STARD9: variants seen among roughly 807,000 people sequenced by gnomAD.
STARD9 encodes the protein stAR-related lipid transfer protein 9.
STARD9 carries 346 observed loss-of-function variants against 399.8 expected under a neutral mutation model. The observed-to-expected ratio is 0.87, with a 90% CI of 0.79 to 0.95. STARD9 has a LOEUF of 0.95. STARD9 is among the 40% of genes least tolerant of loss of function. STARD9 has a pLI of 0.00. For synonymous variants in STARD9, 2,203 were observed against 2,143.5 expected (o/e 1.03, Z -0.77); for missense variants, 5,832 against 5,667.5 (o/e 1.03, Z -0.93).
At position 42,692,245 on chromosome 15, in the gene STARD9, A is replaced by G. The variant is rs1340162907; in HGVS notation, c.10667A>G (p.Glu3556Gly). 2.0e-6 allele frequency: 3 copies of G among 1,537,020 alleles called. No homozygotes were observed. The highest frequency in any genetic ancestry group is 2.6e-6 in the Non-Finnish European group (3 of 1,146,892). ...ENAQGSNEAW[E>G]VFRGSSSIAL... is the part of the protein sequence containing the mutation. ...GCCCAGGGTTCAAATGAGGCCTGGG[A>G]AGTATTCCGAGGGAGTTCTTCAATT... Residue 3556 changes from glutamate (E) to glycine (G), a missense_variant, in exon 23 of 33, where the codon GAA becomes GGA. By Grantham distance (98) the Glu-to-Gly change is moderately conservative. Transcript: ENST00000290607.
chr15:42,684,278 T>C lies in STARD9; in HGVS notation c.2700T>C (p.His900=), dbSNP rs746085487. ...LRKNGLHSSG[H]GQPCTARAAL... ...AGAACGGCCTGCATTCCTCAGGTCA[T>C]GGGCAGCCCTGCACAGCCAGAGCAG... is the stretch of plus-strand genomic sequence containing the variant. The change falls in exon 23 of 33, where the codon CAT becomes CAC. Residue 900 remains histidine (H), a synonymous_variant. Coordinates refer to ENST00000290607, the MANE Select transcript of STARD9 (RefSeq NM_020759.3). The C allele has an allele frequency of 2.0e-5, 31 of 1,537,206 alleles. No individual in the cohort carries two copies. Among genetic ancestry groups the C allele is most frequent in the Non-Finnish European group, 2.4e-5 (28 of 1,146,900 alleles).
Position 42,690,307 on chromosome 15 carries a change from G to C in STARD9, c.8729G>C (p.Gly2910Ala). The stretch of plus-strand genomic sequence containing the variant: ...GATCAAAGACCAAGCGCAAATCCTG[G>C]GGGAATTGGGGAGGAAGCCCCATGT... ...LPDQRPSANP[G>A]GIGEEAPCRH... Residue 2910 changes from glycine to alanine, a missense_variant, in exon 23 of 33, where the codon GGG becomes GCG. Physicochemically the swap from Gly to Ala is moderately conservative, Grantham distance 60. Around this residue, in one of 2 missense-constraint regions of STARD9, gnomAD observed 5,828 missense variants for 5,651.1 expected, o/e 1.03. Transcript: ENST00000290607. The C allele has an allele frequency of 1.3e-6, 2 of 1,537,286 alleles. No individual in the cohort carries two copies. The highest frequency in any genetic ancestry group is 1.7e-6 in the Non-Finnish European group (2 of 1,146,914).
chr15:42,622,555 A>G (rs763620645), intron 3 of STARD9, among the ~76,000 whole-genome samples: 43 of 151,816 alleles, frequency 2.8e-4, no homozygotes, highest in African/African-American at 1.0e-3. Context: ...TTGGATCCAT[A>G]CTTCCTTGTT....
rs577937736 is a variant in STARD9, at chr15:42,685,460, A to G, written c.3882A>G (p.Gln1294=). The G allele has an allele frequency of 2.7e-5, 42 of 1,534,600 alleles. No individual in the cohort carries two copies. The highest frequency in any genetic ancestry group is 3.2e-5 in the Non-Finnish European group (37 of 1,145,492). ...AGCTCCAACCCCATTGTGAGCTCCAACCCCATTGTGAGCTCCAGCCCCATT... is the reference window on the plus strand; with the variant it reads ...AGCTCCAACCCCATTGTGAGCTCCAGCCCCATTGTGAGCTCCAGCCCCATT... The part of the protein sequence containing the change: ...HCELQPHCEL[Q]PHCELQPHCE... Residue 1294 remains glutamine (Q), a synonymous_variant, in exon 23 of 33, where the codon CAA becomes CAG. Coordinates refer to ENST00000290607, the MANE Select transcript of STARD9 (RefSeq NM_020759.3).
intron 20 of STARD9, among the ~76,000 whole-genome samples, chr15:42,678,595 T>TAGTA (rs1292609227): frequency 1.3e-5 from 2 of 152,204 alleles, no homozygotes; most frequent in Non-Finnish European, 2.9e-5. Context: ...ACTGCGGCTT[T>TAGTA]AGTAAGTAGA....
At chr15:42,581,363 G>T (rs1322323830) in intron 1 of STARD9, 1 of 1,463,420 alleles carries the variant, frequency 6.8e-7, no homozygotes, top group Admixed American at 1.7e-5. Context: ...TGGTGGAGAA[G>T]AGCGTCCCCT....
intron 15 of STARD9, among the ~76,000 whole-genome samples, chr15:42,666,605 G>C (rs987441901): frequency 3.9e-5 from 6 of 152,170 alleles, no homozygotes; most frequent in African/African-American, 1.4e-4. Flanking sequence ...GTGTAAACAG[G>C]ATTAATAGCT....
rs1174610857 is a variant in STARD9 at position 42,684,708 on chromosome 15, C to T, written c.3130C>T (p.His1044Tyr). The change falls in exon 23 of 33, where the codon CAT (histidine) becomes TAT (tyrosine). Residue 1044 changes from histidine to tyrosine, a missense_variant. Physicochemically the swap from His to Tyr is moderately conservative, Grantham distance 83. Transcript: ENST00000290607. ...TTCTCCAAGCAGGGCATCAAAAAGG[C>T]ATCAGAGGGTTCTGGCAACTAGGGT... ...PPSPSRASKR[H>Y]QRVLATRVRN... 1 of 1,537,198 alleles carries T rather than the reference C, an allele frequency of 6.5e-7. No individual in the cohort carries two copies.
intron 9 of STARD9, 147 bp downstream of exon 9, chr15:42,652,739 G>A (rs1055945130): frequency 5.7e-6 from 4 of 697,150 alleles, no homozygotes; most frequent in East Asian, 5.5e-5. Context: ...GCAGTGGCGC[G>A]ATCTCGGCTC....
intron 3 of STARD9, among the ~76,000 whole-genome samples, chr15:42,608,304 G>T (rs1408179260): frequency 6.6e-6 from 1 of 152,138 alleles, no homozygotes; most frequent in African/African-American, 2.4e-5. Flanking sequence ...ACAGGACCCT[G>T]CCAGCCGGAT....
At chr15:42,704,488 T>C (rs774670185) in intron 26 of STARD9, among the ~76,000 whole-genome samples, 1 of 152,224 alleles carries the variant, frequency 6.6e-6, no homozygotes. Context: ...TCTGGCCTTG[T>C]TTGTACCTGT....
At chr15:42,619,519 A>G (rs974283751) in intron 3 of STARD9, among the ~76,000 whole-genome samples, 11 of 148,460 alleles carry the variant, frequency 7.4e-5, no homozygotes, top group Non-Finnish European at 1.5e-4. Context: ...GTGCCACTGC[A>G]CTCCAGCCTG....
chr15:42,652,283 G>C (rs1021654553), intron 8 of STARD9, among the ~76,000 whole-genome samples: 1 of 151,116 alleles, frequency 6.6e-6, no homozygotes, highest in Non-Finnish European at 1.5e-5. Flanking sequence ...AAAAAAAAAA[G>C]TTTCAGTGTA....
chr15:42,620,342 A>G (rs1320080103), intron 3 of STARD9, among the ~76,000 whole-genome samples: 1 of 151,660 alleles, frequency 6.6e-6, no homozygotes, highest in Non-Finnish European at 1.5e-5. Context: ...TTAGCTGGGC[A>G]TGGTGGCTCG....
intron 26 of STARD9, among the ~76,000 whole-genome samples, chr15:42,707,796 T>C (rs7162040): frequency 0.032 from 4,911 of 152,214 alleles, 221 homozygotes; most frequent in African/African-American, 0.098. Flanking sequence ...AATCACTTTT[T>C]GCAAGAACAC....
At chr15:42,607,571 A>G (rs764327083) in intron 3 of STARD9, among the ~76,000 whole-genome samples, 1 of 151,378 alleles carries the variant, frequency 6.6e-6, no homozygotes, top group Non-Finnish European at 1.5e-5. Context: ...CCAGTTTCAT[A>G]TTAGAGAGGG....
intron 26 of STARD9, among the ~76,000 whole-genome samples, chr15:42,697,365 C>T (rs1396204502): frequency 2.6e-5 from 4 of 152,118 alleles, no homozygotes; most frequent in Non-Finnish European, 5.9e-5. Context: ...CCTCCTAAAA[C>T]GCTGGGATTA....
Position 42,687,495 on chromosome 15 carries a change from G to A in STARD9, c.5917G>A (p.Glu1973Lys). The A allele has an allele frequency of 6.5e-7, 1 of 1,537,136 alleles. No homozygotes were observed. The change falls in exon 23 of 33, where the codon GAA becomes AAA. Residue 1973 changes from glutamate to lysine, a missense_variant. Physicochemically the swap from Glu to Lys is moderately conservative, Grantham distance 56 (BLOSUM62 1). This residue lies in a region of STARD9 where 5,828 missense variants were observed against 5,651.1 expected (regional missense o/e 1.03). Coordinates refer to ENST00000290607, the MANE Select transcript of STARD9 (RefSeq NM_020759.3). ...GGGTGGTGGCCCAACCCCTAAGTGG[G>A]AAGGGAAAAATGAAACTGGGCTTCT... ...AQGGGPTPKW[E>K]GKNETGLLEK...
At chr15:42,700,706 A>T (rs189545083) in intron 26 of STARD9, among the ~76,000 whole-genome samples, 1 of 152,094 alleles carries the variant, frequency 6.6e-6, no homozygotes, top group Non-Finnish European at 1.5e-5. Flanking sequence ...TTGCAAATCC[A>T]TTCTCCCATT....
Sources: allele counts gnomAD v4.1 joint callset (sites outside exome capture counted in the v4.1 genomes callset), GRCh38; gene constraint gnomAD v4.1.1; regional missense constraint gnomAD v4.1.1; transcripts MANE v1.5; gene names NCBI Gene and HGNC (gene_info 2026-07-23, HGNC 2026-07-21).